Variants in SDK2 observed in about 807,000 individuals in gnomAD.
The protein encoded by SDK2 is protein sidekick-2.
Under a neutral mutation model 253.9 loss-of-function variants are expected in SDK2, and 105 were observed. That is an observed-to-expected ratio of 0.41 (90% CI 0.35 to 0.49). The LOEUF is 0.49. Ranked by LOEUF, SDK2 falls within the 20% of genes least tolerant of loss-of-function variation. SDK2 has a pLI of 0.06. For synonymous variants in SDK2, 1,249 were observed against 1,234.9 expected, an observed-to-expected ratio of 1.01 and a Z score of -0.24; for missense variants, 2,608 against 3,003.0, an observed-to-expected ratio of 0.87 and a Z score of 3.07.
chr17:73,524,666 C>T (rs1424769396), intron 1 of SDK2, among the ~76,000 whole-genome samples: 2 of 152,194 alleles, frequency 1.3e-5, no homozygotes, highest in African/African-American at 4.8e-5. Flanking sequence ...GTGTGTGATC[C>T]CTGAGCCCAG....
intron 1 of SDK2, among the ~76,000 whole-genome samples, chr17:73,545,268 T>C (rs1395825838): frequency 6.6e-6 from 1 of 152,098 alleles, no homozygotes; most frequent in Non-Finnish European, 1.5e-5. Flanking sequence ...AACCCCGCCC[T>C]GCTTCTTCCC....
At chr17:73,628,811 G>A (rs553287510) in intron 1 of SDK2, among the ~76,000 whole-genome samples, 1 of 152,324 alleles carries the variant, frequency 6.6e-6, no homozygotes, top group East Asian at 1.9e-4. Context: ...GAGAGGAAGT[G>A]TGGCCCCCTT....
intron 40 of SDK2, among the ~76,000 whole-genome samples, chr17:73,353,382 C>G (rs989324678): frequency 1.1e-4 from 17 of 152,132 alleles, no homozygotes; most frequent in African/African-American, 4.1e-4. Context: ...TCAAAACATA[C>G]ACAATGGTGG....
At position 73,609,227 on chromosome 17, in the gene SDK2, T is replaced by C. The variant is rs2045945105; in HGVS notation, c.64+34798A>G. ...AAGCCTGGAGTGTGAGAGATGGGTC[T>C]GGGCTGGAGGGAATACACATGGGTA... On this transcript the variant is annotated intron_variant, in intron 1 of 44. Coordinates refer to ENST00000392650, the MANE Select transcript of SDK2 (RefSeq NM_001144952.2). This position sits in a 1 kb window ranked among gnomAD's most constrained non-coding sequence, Gnocchi z 4.4. Among the ~76,000 whole-genome samples the C allele has an allele frequency of 6.6e-6, 1 of 152,084 alleles. No individual in the cohort carries two copies. Among genetic ancestry groups the C allele is most frequent in the Non-Finnish European group, 1.5e-5 (1 of 68,024 alleles).
At chr17:73,373,227 C>G (rs1297518010) in intron 36 of SDK2, among the ~76,000 whole-genome samples, 1 of 152,224 alleles carries the variant, frequency 6.6e-6, no homozygotes, top group African/African-American at 2.4e-5. Flanking sequence ...TGGTATTCCA[C>G]TGTGTATAAA....
chr17:73,634,755 A>C (rs2046309883), intron 1 of SDK2, among the ~76,000 whole-genome samples: 1 of 152,222 alleles, frequency 6.6e-6, no homozygotes, highest in Admixed American at 6.5e-5. Flanking sequence ...AGATAAAGAT[A>C]CTAAGGACAA....
chr17:73,415,707 T>G, intron 17 of SDK2, 104 bp downstream of exon 17: 2 of 1,084,240 alleles, frequency 1.8e-6, no homozygotes, highest in South Asian at 3.1e-5. Flanking sequence ...CAGGCTGGCT[T>G]AAAACTCCTG....
intron 2 of SDK2, among the ~76,000 whole-genome samples, chr17:73,501,383 C>T (rs1418044627): frequency 2.6e-5 from 4 of 152,238 alleles, no homozygotes; most frequent in African/African-American, 7.2e-5. Flanking sequence ...TGGGAAGCTG[C>T]GTGCCTGTTC....
intron 2 of SDK2, among the ~76,000 whole-genome samples, chr17:73,480,345 C>CAG (rs2063713542): frequency 6.6e-6 from 1 of 152,182 alleles, no homozygotes; most frequent in Non-Finnish European, 1.5e-5. Flanking sequence ...TAGACAGAGG[C>CAG]AGAGTATTTC....
chr17:73,576,218 G>T (rs572577334), intron 1 of SDK2, among the ~76,000 whole-genome samples: 1 of 152,160 alleles, frequency 6.6e-6, no homozygotes, highest in Non-Finnish European at 1.5e-5. Flanking sequence ...TCCCAAAGAA[G>T]GGGAGGGAAC....
At chr17:73,354,038 T>A (rs1052227628) in intron 40 of SDK2, among the ~76,000 whole-genome samples, 1 of 151,896 alleles carries the variant, frequency 6.6e-6, no homozygotes, top group Admixed American at 6.6e-5. Context: ...CAGGAAAGAT[T>A]TGGTTTTAAA....
At chr17:73,373,053 C>T (rs754110509) in intron 36 of SDK2, among the ~76,000 whole-genome samples, 7 of 152,202 alleles carry the variant, frequency 4.6e-5, no homozygotes, top group African/African-American at 9.6e-5. Context: ...CTCTGGCAAC[C>T]GCTGTTCTAC....
At chr17:73,411,057 T>A (rs1400219336) in intron 18 of SDK2, among the ~76,000 whole-genome samples, 7 of 152,196 alleles carry the variant, frequency 4.6e-5, no homozygotes, top group Admixed American at 4.6e-4. Flanking sequence ...CGGCCTCCCC[T>A]TCCTTCCTCT....
chr17:73,641,727 A>T (rs2046401126), intron 1 of SDK2, among the ~76,000 whole-genome samples: 1 of 152,150 alleles, frequency 6.6e-6, no homozygotes. Context: ...TTGTGGGCTC[A>T]GAAATGACAG....
chr17:73,571,972 G>A (rs1280789795), intron 1 of SDK2, among the ~76,000 whole-genome samples: 14 of 152,312 alleles, frequency 9.2e-5, no homozygotes. Context: ...TCCCCTGGGT[G>A]GGCCAGCACC....
At position 73,636,307 on chromosome 17, in the gene SDK2, C is replaced by T. The variant is rs148301362; in HGVS notation, c.64+7718G>A. On this transcript the variant is annotated intron_variant, in intron 1 of 44. Transcript: ENST00000392650. Reference sequence around the variant, plus strand: ...AGACGATGGTTGTAATGCACCTTGCCATGTCTGACAAGCAGAACTGTGCAC... The same window carrying T: ...AGACGATGGTTGTAATGCACCTTGCTATGTCTGACAAGCAGAACTGTGCAC... 5.7e-4 allele frequency among the ~76,000 whole-genome samples: 86 copies of T among 152,084 alleles called. 1 individual carries two copies. Among genetic ancestry groups the T allele is most frequent in the African/African-American group, 1.9e-3 (77 of 41,474 alleles).
At chr17:73,542,860 G>T (rs1485638479) in intron 1 of SDK2, among the ~76,000 whole-genome samples, 1 of 152,190 alleles carries the variant, frequency 6.6e-6, no homozygotes, top group African/African-American at 2.4e-5. Context: ...AAGGGCAGGA[G>T]ATTCCCGGAA....
At chr17:73,357,856 C>T (rs371622416) in intron 40 of SDK2, 19 of 692,410 alleles carry the variant, frequency 2.7e-5, no homozygotes, top group African/African-American at 2.5e-4. Flanking sequence ...TTAGCACTAA[C>T]AGCCGTTCTC....
At chr17:73,375,141 T>C (rs935494302) in intron 36 of SDK2, among the ~76,000 whole-genome samples, 1 of 151,134 alleles carries the variant, frequency 6.6e-6, no homozygotes, top group Admixed American at 6.6e-5. Context: ...TCTTTTTTCC[T>C]CTCTTTCTGG....
Sources: gnomAD v4.1 joint callset for allele counts (sites outside exome capture counted in the v4.1 genomes callset) on GRCh38, gnomAD v4.1.1 for gene constraint, Gnocchi (gnomAD v3.1) non-coding constraint, MANE v1.5 for transcripts, NCBI Gene and HGNC (gene_info 2026-07-23, HGNC 2026-07-21) for gene names.